DDI2: variants seen among roughly 807,000 people sequenced by gnomAD.
The protein encoded by DDI2 is DDI proteasomal shuttling factor 2, also known as protein DDI1 homolog 2.
A neutral mutation model predicts 48.1 loss-of-function variants in DDI2; 5 were observed. The observed-to-expected ratio is 0.10, with a 90% CI of 0.05 to 0.22. The LOEUF (loss-of-function observed/expected upper bound fraction) is 0.22. Among genes scored for constraint, DDI2 ranks in the 10% least tolerant of loss-of-function variants. The pLI is 1.00. For synonymous variants in DDI2, 205 were observed against 183.6 expected (o/e 1.12, Z -0.94); for missense variants, 285 against 506.2 (o/e 0.56, Z 4.19).
intron 9 of DDI2, among the ~76,000 whole-genome samples, chr1:15,657,992 T>G (rs949755088): frequency 1.3e-5 from 2 of 152,210 alleles, no homozygotes; most frequent in Non-Finnish European, 2.9e-5. Flanking sequence ...TAGAATGATT[T>G]AAAGCCTTTT....
chr1:15,659,159 GAAATA>G (rs1373969465), intron 9 of DDI2, among the ~76,000 whole-genome samples: 1 of 152,158 alleles, frequency 6.6e-6, no homozygotes, highest in African/African-American at 2.4e-5. Flanking sequence ...AGCTTGGCTA[GAAATA>G]AAATAGAACA....
In DDI2 at chr1:15,666,253, ATTTTCT is replaced by A. The variant is rs1640451130; in HGVS notation, c.*6467_*6472del. 1 of 151,950 alleles carries A rather than the reference ATTTTCT, an allele frequency of 6.6e-6. No homozygotes were observed. The highest frequency in any genetic ancestry group is 1.5e-5 in the Non-Finnish European group (1 of 67,978). The allele number at this position is 151,950 out of a possible 1,614,324, so 9.4% of individuals were successfully genotyped here. ...TAGGAGTGAACCTTCGATGTGCTTG[ATTTTCT>A]TTTGTGCCTTAGTTTCTCTGAATAG... On this transcript the variant is annotated 3_prime_UTR_variant, in exon 10 of 10. Coordinates refer to ENST00000480945, the MANE Select transcript of DDI2 (RefSeq NM_032341.5).
At chr1:15,618,806 A>G (rs1639607615) in intron 1 of DDI2, among the ~76,000 whole-genome samples, 1 of 152,246 alleles carries the variant, frequency 6.6e-6, no homozygotes, top group African/African-American at 2.4e-5. Context: ...AACATTAAGA[A>G]AATTATAGAG....
At position 15,630,389 on chromosome 1, in the gene DDI2, G is replaced by A; in HGVS notation, c.333G>A (p.Gln111=). The part of the protein sequence containing the change: ...VPGTSSPRQR[Q]PPGTQQSHSS... Reference sequence around the variant, plus strand: ...GCACATCAAGTCCCCGGCAGCGCCAGCCACCAGGAACACAGCAGTCCCACT... The same window carrying A: ...GCACATCAAGTCCCCGGCAGCGCCAACCACCAGGAACACAGCAGTCCCACT... The change falls in exon 3 of 10, where the codon CAG becomes CAA. Residue 111 remains glutamine, a synonymous_variant. Coordinates refer to ENST00000480945, the MANE Select transcript of DDI2 (RefSeq NM_032341.5). The A allele has an allele frequency of 6.2e-7, 1 of 1,614,220 alleles. No homozygotes were observed. The highest frequency in any genetic ancestry group is 1.7e-5 in the Admixed American group (1 of 60,028).
At chr1:15,657,725 C>T (rs999335565) in intron 9 of DDI2, among the ~76,000 whole-genome samples, 2 of 152,196 alleles carry the variant, frequency 1.3e-5, no homozygotes, top group African/African-American at 2.4e-5. Flanking sequence ...TTTCTGTTAA[C>T]ATTAGTTCAA....
intron 7 of DDI2, 52 bp downstream of exon 7, chr1:15,649,875 CATT>C (rs1640151197): frequency 6.6e-7 from 1 of 1,509,486 alleles, no homozygotes; most frequent in Non-Finnish European, 9.0e-7. Flanking sequence ...GTAATATGGT[CATT>C]ATCACATTAT....
In DDI2 at chr1:15,663,759, T is replaced by C. The variant is rs997158016; in HGVS notation, c.*3969T>C. ...CTTTATGGGTGGTGGTTTGGGAATGTATTCTAAGCTTATAAATCTTTGGAA... is the reference window on the plus strand; with the variant it reads ...CTTTATGGGTGGTGGTTTGGGAATGCATTCTAAGCTTATAAATCTTTGGAA... On this transcript the variant is annotated 3_prime_UTR_variant, in exon 10 of 10. Coordinates refer to ENST00000480945, the MANE Select transcript of DDI2 (RefSeq NM_032341.5). The C allele has an allele frequency of 6.6e-6, 1 of 151,926 alleles. No homozygotes were observed. Among genetic ancestry groups the C allele is most frequent in the African/African-American group, 2.4e-5 (1 of 41,366 alleles). The allele number at this position is 151,926 out of a possible 1,614,324, so 9.4% of individuals were successfully genotyped here.
At position 15,656,582 on chromosome 1, in the gene DDI2, C is replaced by T. The variant is rs572097459; in HGVS notation, c.1184-35C>T. The T allele has an allele frequency of 3.1e-6, 5 of 1,614,058 alleles. No individual in the cohort carries two copies. In the African/African-American group the frequency reaches 6.7e-5, roughly 22 times the overall value. ...CATGCTGTGTGGTTTGCATTGTTAA[C>T]CCAAGTTTGCTTGTCTGTTTCCTAA... is the stretch of plus-strand genomic sequence containing the variant. On this transcript the variant is annotated intron_variant, in intron 8 of 9. Coordinates refer to ENST00000480945, the MANE Select transcript of DDI2 (RefSeq NM_032341.5).
Position 15,668,694 on chromosome 1 carries a change from AAAG to A in DDI2, c.*8910_*8912del, listed in dbSNP as rs1557629643. The A allele has an allele frequency of 2.0e-5, 3 of 152,182 alleles. No individual in the cohort carries two copies. Among genetic ancestry groups the A allele is most frequent in the South Asian group, 4.1e-4 (2 of 4,830 alleles). 9.4% of individuals were successfully genotyped at this position (152,182 alleles called of 1,614,324 possible). A position where few individuals can be genotyped will look rare whatever the true frequency, so the allele number is the denominator to read the frequency against. On this transcript the variant is annotated 3_prime_UTR_variant, in exon 10 of 10. Transcript: ENST00000480945. ...TAAGCTTTGAGACTACTGCATCTTAAAAGAAGAACTAGGCTGACTGGCAAAAAG... is the reference window on the plus strand; with the variant it reads ...TAAGCTTTGAGACTACTGCATCTTAAAAGAACTAGGCTGACTGGCAAAAAG...
chr1:15,620,496 T>C (rs1190540031), intron 1 of DDI2, among the ~76,000 whole-genome samples: 1 of 152,102 alleles, frequency 6.6e-6, no homozygotes, highest in Non-Finnish European at 1.5e-5. Flanking sequence ...ACTGTTTAAC[T>C]CCTCCTCTTG....
rs957061200 is a variant in DDI2, at chr1:15,666,605, T to G, written c.*6815T>G. ...ACTCTTGAAGGCTATGCAACATGAG[T>G]CTTTGAACAAGAATTCCTTGCTACT... is the stretch of plus-strand genomic sequence containing the variant. On this transcript the variant is annotated 3_prime_UTR_variant, in exon 10 of 10. Transcript: ENST00000480945. The G allele has an allele frequency of 5.9e-5, 9 of 152,098 alleles. No individual in the cohort carries two copies. The highest frequency in any genetic ancestry group is 5.2e-4 in the Admixed American group (8 of 15,270). The allele number at this position is 152,098 out of a possible 1,614,324, so 9.4% of individuals were successfully genotyped here.
At chr1:15,651,257 C>G (rs973828509) in intron 7 of DDI2, among the ~76,000 whole-genome samples, 2 of 152,166 alleles carry the variant, frequency 1.3e-5, no homozygotes, top group African/African-American at 4.8e-5. Flanking sequence ...CCAGCAGTCT[C>G]CAACTTTATA....
chr1:15,627,807 G>A (rs1639782018), intron 2 of DDI2, among the ~76,000 whole-genome samples: 1 of 152,184 alleles, frequency 6.6e-6, no homozygotes, highest in Non-Finnish European at 1.5e-5. Flanking sequence ...CAGAGTCTGG[G>A]TGATGACAGA....
Position 15,660,078 on chromosome 1 carries a change from A to G in DDI2, c.*288A>G, listed in dbSNP as rs752904715. On this transcript the variant is annotated 3_prime_UTR_variant, in exon 10 of 10. Coordinates refer to ENST00000480945, the MANE Select transcript of DDI2 (RefSeq NM_032341.5). Reference sequence around the variant, plus strand: ...TCCAGCTAAACTCTGAAAAGAAAGAACATCTTTCTTTACAAGATCTTTCTG... The same window carrying G: ...TCCAGCTAAACTCTGAAAAGAAAGAGCATCTTTCTTTACAAGATCTTTCTG... 43 of 1,613,822 alleles carry G rather than the reference A, an allele frequency of 2.7e-5. No individual in the cohort carries two copies. Among genetic ancestry groups the G allele is most frequent in the Non-Finnish European group, 3.5e-5 (41 of 1,179,952 alleles).
Position 15,660,079 on chromosome 1 carries a change from CATCTTTCTTTACAAG to C in DDI2, c.*298_*312del, listed in dbSNP as rs1557625322. On this transcript the variant is annotated 3_prime_UTR_variant, in exon 10 of 10. Transcript: ENST00000480945. ...CCAGCTAAACTCTGAAAAGAAAGAA[CATCTTTCTTTACAAG>C]ATCTTTCTGATCATGCTTCCTCAGC... 2 of 1,613,940 alleles carry C rather than the reference CATCTTTCTTTACAAG, an allele frequency of 1.2e-6. No individual in the cohort carries two copies. The highest frequency in any genetic ancestry group is 4.5e-5 in the East Asian group (2 of 44,880).
intron 1 of DDI2, among the ~76,000 whole-genome samples, chr1:15,618,730 C>T (rs1227655418): frequency 6.6e-6 from 1 of 152,212 alleles, no homozygotes; most frequent in Non-Finnish European, 1.5e-5. Flanking sequence ...GACACTAACG[C>T]TGTAAACTTT....
At chr1:15,640,636 A>G (rs1411599409) in intron 5 of DDI2, among the ~76,000 whole-genome samples, 2 of 152,224 alleles carry the variant, frequency 1.3e-5, no homozygotes, top group Non-Finnish European at 2.9e-5. Flanking sequence ...AGAGCAGTGA[A>G]AGGGGCCCTT....
chr1:15,643,691 T>C (rs778762135), intron 6 of DDI2, 41 bp downstream of exon 6: 3 of 1,607,276 alleles, frequency 1.9e-6, no homozygotes, highest in East Asian at 2.2e-5. Context: ...TTCTGTAGGC[T>C]ATTTGTAGGT....
At chr1:15,631,837 A>G (rs1010417138) in intron 3 of DDI2, among the ~76,000 whole-genome samples, 25 of 148,106 alleles carry the variant, frequency 1.7e-4, no homozygotes, top group Admixed American at 8.1e-4. Context: ...ACGGAGTTTC[A>G]CTCTGTCTCC....
Sources: gnomAD v4.1 joint callset for allele counts (sites outside exome capture counted in the v4.1 genomes callset) on GRCh38, gnomAD v4.1.1 for gene constraint, MANE v1.5 for transcripts, NCBI Gene and HGNC (gene_info 2026-07-23, HGNC 2026-07-21) for gene names.